CHD1L: variants seen among roughly 807,000 people sequenced by gnomAD.
CHD1L encodes the protein chromodomain helicase DNA binding protein 1 like.
Under a neutral mutation model 115.9 loss-of-function variants are expected in CHD1L, and 118 were observed. The ratio of observed to expected loss-of-function variants is 1.02; its 90% confidence interval spans 0.88 to 1.19. The LOEUF (loss-of-function observed/expected upper bound fraction) is 1.19, where lower values mean the gene tolerates loss of function less well. Among genes scored for constraint, CHD1L ranks in the 50% most tolerant of loss-of-function variants. CHD1L has a pLI of 0.00. For synonymous variants in CHD1L, 411 were observed against 387.1 expected (o/e 1.06, Z -0.72); for missense variants, 1,179 against 1,065.3 (o/e 1.11, Z -1.49).
At chr1:147,294,357 C>T in intron 21 of CHD1L, 52 bp from the exon 22 acceptor site, 5 of 1,262,780 alleles carry the variant, frequency 4.0e-6, no homozygotes, top group Admixed American at 1.9e-5. Flanking sequence ...TATTTTATAC[C>T]CATCAATCAA....
Position 147,286,337 on chromosome 1 carries a change from C to G in CHD1L, c.2058C>G (p.Cys686Trp). 4 of 1,614,142 alleles carry G rather than the reference C, an allele frequency of 2.5e-6. No individual in the cohort carries two copies. The highest frequency in any genetic ancestry group is 3.4e-6 in the Non-Finnish European group (4 of 1,180,020). Residue 686 changes from cysteine (C) to tryptophan (W), a missense_variant, in exon 18 of 23, where the codon TGC becomes TGG. Coordinates refer to ENST00000369258, the MANE Select transcript of CHD1L (RefSeq NM_004284.6). ...AATCCAACAATTACCAGTCCTTCTG[C>G]CTGCCCTCTGAGGAGAGCGAGCCAG... Reference protein sequence around the residue: ...WWESNNYQSFCLPSEESEPED... With the variant: ...WWESNNYQSFWLPSEESEPED...
the CHD1L span, among the ~76,000 whole-genome samples, chr1:147,188,543 A>T: frequency 6.7e-6 from 1 of 150,074 alleles, no homozygotes; most frequent in East Asian, 2.0e-4. Context: ...AAAAAAAAAA[A>T]AGAGCTATAG....
chr1:147,192,907 A>G, the CHD1L span, among the ~76,000 whole-genome samples: 1 of 152,146 alleles, frequency 6.6e-6, no homozygotes, highest in Non-Finnish European at 1.5e-5. Context: ...TGCTGGATTC[A>G]GTTTGCCAGT....
At chr1:147,174,063 A>G in the CHD1L span, among the ~76,000 whole-genome samples, 5,608 of 152,206 alleles carry the variant, frequency 0.037, 146 homozygotes, top group South Asian at 0.095. Context: ...TTTTTATATT[A>G]TGAAGTTGAC....
At chr1:147,279,151 G>A (rs1478688762) in intron 14 of CHD1L, among the ~76,000 whole-genome samples, 2 of 152,112 alleles carry the variant, frequency 1.3e-5, no homozygotes, top group Non-Finnish European at 2.9e-5. Flanking sequence ...GCTGTCTATT[G>A]TTTCTTCAAG....
At chr1:147,224,108 G>C in the CHD1L span, 1 of 354,660 alleles carries the variant, frequency 2.8e-6, no homozygotes, top group African/African-American at 2.2e-5. Context: ...CATTATCAAG[G>C]GTGAGGTAAG....
the CHD1L span, among the ~76,000 whole-genome samples, chr1:147,222,916 C>T: frequency 1.3e-5 from 2 of 152,174 alleles, no homozygotes; most frequent in African/African-American, 4.8e-5. Context: ...GGCTAAGATG[C>T]TTAGTAAAGA....
chr1:147,194,430 C>T, the CHD1L span, among the ~76,000 whole-genome samples: 108 of 152,226 alleles, frequency 7.1e-4, 2 homozygotes, highest in South Asian at 2.3e-3. Context: ...TTCCTGAATA[C>T]AGCACACTGT....
At chr1:147,209,675 T>A in the CHD1L span, 1 of 152,308 alleles carries the variant, frequency 6.6e-6, no homozygotes, top group Non-Finnish European at 1.5e-5. Context: ...GCGAAGCCTG[T>A]TCATTTTTAA....
At chr1:147,210,603 G>A in the CHD1L span, 4 of 152,092 alleles carry the variant, frequency 2.6e-5, no homozygotes, top group Non-Finnish European at 1.5e-5. Flanking sequence ...TTTGTGTGCT[G>A]GCTATATAAC....
intron 15 of CHD1L, among the ~76,000 whole-genome samples, chr1:147,283,240 A>G (rs1553963116): frequency 6.6e-6 from 1 of 152,174 alleles, no homozygotes; most frequent in East Asian, 1.9e-4. Flanking sequence ...TTAATTAGCA[A>G]ATGCCAATTA....
the CHD1L span, chr1:147,203,228 A>G: frequency 1.0e-6 from 1 of 997,220 alleles, no homozygotes; most frequent in Non-Finnish European, 1.5e-6. Flanking sequence ...TTCTTAGAAT[A>G]CTACTACAAA....
At chr1:147,295,216 T>TATAA (rs1687092994) in intron 22 of CHD1L, among the ~76,000 whole-genome samples, 1 of 152,240 alleles carries the variant, frequency 6.6e-6, no homozygotes, top group African/African-American at 2.4e-5. Flanking sequence ...CCAGCTTTTA[T>TATAA]GTGCTTGCAC....
chr1:147,212,267 T>C, the CHD1L span: 19 of 946,982 alleles, frequency 2.0e-5, no homozygotes, highest in Admixed American at 2.8e-4. Flanking sequence ...CGAAGCCCTA[T>C]ATTTGCCACT....
At chr1:147,196,192 C>A in the CHD1L span, among the ~76,000 whole-genome samples, 6 of 152,182 alleles carry the variant, frequency 3.9e-5, no homozygotes, top group East Asian at 9.7e-4. Context: ...CCTGGTGTAT[C>A]CCTCTTAAAA....
intron 18 of CHD1L, 77 bp downstream of exon 18, chr1:147,286,577 G>T: frequency 1.5e-6 from 2 of 1,319,180 alleles, no homozygotes; most frequent in South Asian, 2.5e-5. Context: ...TGGGGCACTG[G>T]GACTGGGGTG....
the CHD1L span, among the ~76,000 whole-genome samples, chr1:147,236,789 G>A: frequency 6.6e-6 from 1 of 152,140 alleles, no homozygotes; most frequent in African/African-American, 2.4e-5. Context: ...CTGAGTCTGG[G>A]GCTTTTACAG....
chr1:147,280,790 T>C (rs1382968511), intron 15 of CHD1L, among the ~76,000 whole-genome samples: 1 of 152,212 alleles, frequency 6.6e-6, no homozygotes, highest in African/African-American at 2.4e-5. Context: ...ATTTTTCACA[T>C]GGTAGCTTTG....
At chr1:147,239,827 A>G (rs1439666310), upstream of CHD1L, among the ~76,000 whole-genome samples, 1 of 152,208 alleles carries the variant, frequency 6.6e-6, no homozygotes, top group Non-Finnish European at 1.5e-5. Flanking sequence ...CTTATATTTA[A>G]GTGGCAAGTG....
Sources: allele counts gnomAD v4.1 joint callset (sites outside exome capture counted in the v4.1 genomes callset), GRCh38; gene constraint gnomAD v4.1.1; transcripts MANE v1.5; gene names NCBI Gene and HGNC (gene_info 2026-07-23, HGNC 2026-07-21).